The following MDGA2 variants were observed in gnomAD, a reference collection of about 807,000 sequenced individuals.
MDGA2 encodes MAM domain containing glycosylphosphatidylinositol anchor 2.
In MDGA2, 40 loss-of-function variants were observed where a neutral mutation model predicts 117.8. That is an observed-to-expected ratio of 0.34 (90% CI 0.26 to 0.44). The LOEUF is 0.44. Ranked by LOEUF, MDGA2 falls within the 20% of genes least tolerant of loss-of-function variation. The pLI is 1.00. For synonymous variants in MDGA2, 452 were observed against 439.0 expected, an observed-to-expected ratio of 1.03 and a Z score of -0.37; for missense variants, 1,123 against 1,250.6, an observed-to-expected ratio of 0.90 and a Z score of 1.54.
chr14:47,405,332 T>C (rs917345229), intron 1 of MDGA2, among the ~76,000 whole-genome samples: 1 of 152,226 alleles, frequency 6.6e-6, no homozygotes, highest in Non-Finnish European at 1.5e-5. Context: ...TAAACTCTGA[T>C]GTATTACTGC....
intron 1 of MDGA2, among the ~76,000 whole-genome samples, chr14:47,442,209 ATATT>A (rs781240253): frequency 7.2e-5 from 11 of 152,160 alleles, no homozygotes; most frequent in Admixed American, 1.3e-4. Flanking sequence ...GTATGTATAC[ATATT>A]TATTTATTTC....
chr14:47,506,741 G>A (rs1003357369), intron 1 of MDGA2, among the ~76,000 whole-genome samples: 8 of 152,144 alleles, frequency 5.3e-5, no homozygotes, highest in Admixed American at 2.0e-4. Context: ...CAGGCCGGGC[G>A]GGGCAGCTCA....
At chr14:47,437,616 G>A (rs1271240174) in intron 1 of MDGA2, among the ~76,000 whole-genome samples, 1 of 152,130 alleles carries the variant, frequency 6.6e-6, no homozygotes, top group Non-Finnish European at 1.5e-5. Context: ...AGAGTAGAGT[G>A]GAGGCAACAA....
At chr14:47,393,045 T>C (rs1373813597) in intron 1 of MDGA2, among the ~76,000 whole-genome samples, 1 of 151,588 alleles carries the variant, frequency 6.6e-6, no homozygotes, top group East Asian at 1.9e-4. Context: ...CTAAAGTGTT[T>C]GTTAGATGAA....
intron 2 of MDGA2, among the ~76,000 whole-genome samples, chr14:47,229,730 C>T (rs1250150405): frequency 6.6e-6 from 1 of 151,580 alleles, no homozygotes; most frequent in Non-Finnish European, 1.5e-5. Context: ...TAAACTGGGC[C>T]TTTAATGGCC....
At chr14:47,053,322 C>T (rs1484701052) in intron 7 of MDGA2, among the ~76,000 whole-genome samples, 1 of 151,642 alleles carries the variant, frequency 6.6e-6, no homozygotes, top group African/African-American at 2.4e-5. Flanking sequence ...TGTTTTAGTT[C>T]TGACCTTTTC....
At chr14:47,426,797 A>ATAAT (rs3039609) in intron 1 of MDGA2, among the ~76,000 whole-genome samples, 94,742 of 148,310 alleles carry the variant, frequency 0.64, 30,403 homozygotes, top group South Asian at 0.74. Context: ...AGACTTTAAT[A>ATAAT]TAAATATATT....
At chr14:47,310,398 G>A (rs992723926) in intron 1 of MDGA2, among the ~76,000 whole-genome samples, 4 of 151,992 alleles carry the variant, frequency 2.6e-5, no homozygotes, top group African/African-American at 9.7e-5. Flanking sequence ...GGCTGTTCCC[G>A]CCCTAAGTCC....
chr14:47,482,172 G>A (rs1893967742), intron 1 of MDGA2, among the ~76,000 whole-genome samples: 1 of 151,944 alleles, frequency 6.6e-6, no homozygotes, highest in Non-Finnish European at 1.5e-5. Context: ...AAACAAATAA[G>A]GAGGCTTTAG....
intron 6 of MDGA2, among the ~76,000 whole-genome samples, chr14:47,087,797 G>A (rs1171527791): frequency 5.2e-5 from 3 of 57,492 alleles, no homozygotes; most frequent in Admixed American, 2.1e-4. Flanking sequence ...CAACTGTAGG[G>A]TATCAAAAAA....
intron 6 of MDGA2, among the ~76,000 whole-genome samples, chr14:47,071,988 G>A (rs1456353884): frequency 6.6e-6 from 1 of 150,418 alleles, no homozygotes; most frequent in Non-Finnish European, 1.5e-5. Flanking sequence ...TAGTTGTTCA[G>A]GCTCAATTTA....
At chr14:47,421,257 A>G (rs2138507198) in intron 1 of MDGA2, among the ~76,000 whole-genome samples, 1 of 152,286 alleles carries the variant, frequency 6.6e-6, no homozygotes, top group Non-Finnish European at 1.5e-5. Context: ...GGAGTCAAAG[A>G]TTAAAAGCTC....
chr14:46,871,156 G>C (rs1881980496), intron 14 of MDGA2: 1 of 150,278 alleles, frequency 6.7e-6, no homozygotes, highest in South Asian at 2.1e-4. Flanking sequence ...TATGCGATTT[G>C]TTTCCTTTCA....
rs1890987304 is a variant in MDGA2, at chr14:47,088,385, G to T, written c.1195+8469C>A. Among the ~76,000 whole-genome samples, 3 of 152,100 alleles carry T rather than the reference G, an allele frequency of 2.0e-5. No homozygotes were observed. The South Asian group carries it at 6.2e-4, about 32-fold the overall frequency. The stretch of plus-strand genomic sequence containing the variant: ...GCACTTAATCTGCATGAATAATTGG[G>T]ACACCTGCACACAGCAGACAGTTCT... On this transcript the variant is annotated intron_variant, in intron 6 of 16. Transcript: ENST00000399232.
chr14:47,362,138 C>T (rs190411696), intron 1 of MDGA2, among the ~76,000 whole-genome samples: 2 of 152,224 alleles, frequency 1.3e-5, no homozygotes, highest in African/African-American at 4.8e-5. Flanking sequence ...CCCAAGTGGC[C>T]TTGGATTTCA....
intron 1 of MDGA2, among the ~76,000 whole-genome samples, chr14:47,591,688 A>G (rs1419692507): frequency 6.6e-6 from 1 of 152,112 alleles, no homozygotes; most frequent in South Asian, 2.1e-4. Context: ...AACTAAAGAC[A>G]ATATCTCAAT....
intron 3 of MDGA2, among the ~76,000 whole-genome samples, chr14:47,158,176 G>A (rs1317343317): frequency 2.0e-5 from 3 of 151,976 alleles, no homozygotes; most frequent in South Asian, 2.1e-4. Flanking sequence ...ACTGTGTTAC[G>A]ACTGCTTACA....
At chr14:47,335,610 T>G (rs1458500204) in intron 1 of MDGA2, among the ~76,000 whole-genome samples, 5 of 151,078 alleles carry the variant, frequency 3.3e-5, no homozygotes, top group African/African-American at 1.2e-4. Context: ...AGGTAGGAAG[T>G]CATCTGATGA....
At chr14:47,657,945 G>C (rs1436942752) in intron 1 of MDGA2, among the ~76,000 whole-genome samples, 1 of 152,114 alleles carries the variant, frequency 6.6e-6, no homozygotes, top group East Asian at 1.9e-4. Flanking sequence ...CAAGAACCAA[G>C]AGGAGACAGT....
Sources: gnomAD v4.1 joint callset for allele counts (sites outside exome capture counted in the v4.1 genomes callset) on GRCh38, gnomAD v4.1.1 for gene constraint, MANE v1.5 for transcripts, NCBI Gene and HGNC (gene_info 2026-07-23, HGNC 2026-07-21) for gene names.